SHTN1: variants seen among roughly 807,000 people sequenced by gnomAD.
SHTN1 encodes shootin-1.
In SHTN1, 42 loss-of-function variants were observed where a neutral mutation model predicts 83.1. That is an observed-to-expected ratio of 0.51 (90% CI 0.39 to 0.65). The LOEUF is 0.65. SHTN1 is among the 30% of genes least tolerant of loss of function. The probability of loss-of-function intolerance (pLI) is 0.00; values close to 1 mark genes in which losing one functional copy is unlikely to be tolerated. For missense variants in SHTN1, 622 were observed against 737.8 expected (o/e 0.84, Z 1.82); for synonymous variants, 224 against 247.7 (o/e 0.90, Z 0.90).
At chr10:117,119,031 A>G (rs183401334) in intron 1 of SHTN1, among the ~76,000 whole-genome samples, 1 of 152,238 alleles carries the variant, frequency 6.6e-6, no homozygotes, top group African/African-American at 2.4e-5. Flanking sequence ...CATTTGCAGC[A>G]CCATGGGTGG....
intron 1 of SHTN1, among the ~76,000 whole-genome samples, chr10:116,990,334 T>C (rs1394004876): frequency 6.9e-6 from 1 of 144,124 alleles, no homozygotes; most frequent in Non-Finnish European, 1.5e-5. Flanking sequence ...AGGAAAATCG[T>C]AAGAAGATTC....
At chr10:117,006,305 G>A (rs1261756359), upstream of SHTN1, among the ~76,000 whole-genome samples, 1 of 149,686 alleles carries the variant, frequency 6.7e-6, no homozygotes, top group South Asian at 2.1e-4. Context: ...AGTGGCTCAC[G>A]CCTGTAATCC....
intron 2 of SHTN1, among the ~76,000 whole-genome samples, chr10:117,018,229 G>C (rs1405680200): frequency 4.6e-5 from 7 of 152,174 alleles, no homozygotes; most frequent in African/African-American, 1.4e-4. Flanking sequence ...TATGTACCCA[G>C]TGGGCTGGGT....
At chr10:117,074,898 C>T (rs1447307117) in intron 1 of SHTN1, among the ~76,000 whole-genome samples, 1 of 151,952 alleles carries the variant, frequency 6.6e-6, no homozygotes, top group African/African-American at 2.4e-5. Flanking sequence ...AAAGCTAAGG[C>T]TCTATACTTG....
intron 1 of SHTN1, among the ~76,000 whole-genome samples, chr10:116,985,981 T>C (rs1851204106): frequency 6.6e-6 from 1 of 152,210 alleles, no homozygotes; most frequent in Non-Finnish European, 1.5e-5. Context: ...AGGTGACAGA[T>C]TTCATATCCT....
Position 116,990,264 on chromosome 10 carries a change from TTTTTTC to T in SHTN1, c.59-10962_59-10957del, listed in dbSNP as rs201154604. Among the ~76,000 whole-genome samples the T allele has an allele frequency of 4.3e-3, 641 of 148,808 alleles. 6 individuals are homozygous for T. Among genetic ancestry groups the T allele is most frequent in the African/African-American group, 0.013 (528 of 40,406 alleles). On this transcript the variant is annotated intron_variant, in intron 1 of 16. Transcript: ENST00000355371. The stretch of plus-strand genomic sequence containing the variant: ...AGAAAAGGCCTTTGTTTTTCTTGTC[TTTTTTC>T]TTTTTCTTTTTTCTTTCTTTTTTTT...
At chr10:116,914,402 G>A (rs1253479897) in intron 13 of SHTN1, among the ~76,000 whole-genome samples, 7 of 151,974 alleles carry the variant, frequency 4.6e-5, no homozygotes, top group African/African-American at 1.7e-4. Context: ...AACACGGGAG[G>A]CAGAGGTTGC....
At chr10:116,922,978 T>A (rs759211855) in intron 11 of SHTN1, among the ~76,000 whole-genome samples, 51 of 149,764 alleles carry the variant, frequency 3.4e-4, no homozygotes, top group South Asian at 8.5e-4. Flanking sequence ...AAAAAAAAAA[T>A]AAAAATAATA....
At chr10:116,909,941 C>T (rs1848124317) in intron 14 of SHTN1, among the ~76,000 whole-genome samples, 1 of 152,082 alleles carries the variant, frequency 6.6e-6, no homozygotes, top group South Asian at 2.1e-4. Context: ...GCAGGCTTTT[C>T]GTGTTCCATC....
chr10:116,949,965 A>G (rs1045247416), intron 6 of SHTN1, among the ~76,000 whole-genome samples: 7 of 152,222 alleles, frequency 4.6e-5, no homozygotes, highest in Admixed American at 3.3e-4. Flanking sequence ...TAATATTTAA[A>G]AACACTCAAA....
At chr10:116,907,765 A>T in intron 14 of SHTN1, 1 of 442,618 alleles carries the variant, frequency 2.3e-6, no homozygotes, top group South Asian at 1.6e-5. Context: ...ATCAGAGGAC[A>T]TAAGAACCTC....
At chr10:116,966,047 G>A (rs375196166) in intron 3 of SHTN1, among the ~76,000 whole-genome samples, 4 of 151,828 alleles carry the variant, frequency 2.6e-5, no homozygotes, top group Admixed American at 6.6e-5. Flanking sequence ...TCACCCTGTC[G>A]CCAGTCTGGA....
chr10:117,121,570 C>T (rs1053081470), intron 1 of SHTN1, among the ~76,000 whole-genome samples: 1 of 151,478 alleles, frequency 6.6e-6, no homozygotes, highest in African/African-American at 2.4e-5. Flanking sequence ...TAGAGTGAGA[C>T]TCTGACTCAA....
At chr10:117,077,114 A>T (rs1589921974) in intron 1 of SHTN1, among the ~76,000 whole-genome samples, 2 of 152,260 alleles carry the variant, frequency 1.3e-5, no homozygotes, top group East Asian at 3.8e-4. Flanking sequence ...AATCAAAAAT[A>T]GTAAAATGCT....
chr10:116,937,970 T>C (rs567381464), intron 9 of SHTN1, among the ~76,000 whole-genome samples: 5 of 151,794 alleles, frequency 3.3e-5, no homozygotes, highest in African/African-American at 4.8e-5. Context: ...TTGATACTTA[T>C]GTACGCTTTA....
At chr10:116,983,620 G>C (rs1286532665) in intron 1 of SHTN1, among the ~76,000 whole-genome samples, 1 of 151,752 alleles carries the variant, frequency 6.6e-6, no homozygotes, top group African/African-American at 2.4e-5. Flanking sequence ...TTCTGGGGTA[G>C]AGCCTGGGCA....
chr10:117,034,987 G>A (rs192481241), intron 2 of SHTN1, among the ~76,000 whole-genome samples: 1 of 152,246 alleles, frequency 6.6e-6, no homozygotes, highest in Admixed American at 6.5e-5. Context: ...ATCCTCAAAT[G>A]TATGTGGAAC....
intron 1 of SHTN1, among the ~76,000 whole-genome samples, chr10:117,097,013 GCACACACACACACATAGACACACA>G (rs963385603): frequency 8.5e-5 from 12 of 141,656 alleles, no homozygotes; most frequent in Admixed American, 5.3e-4. Flanking sequence ...GCACGCGCGC[GCACACACACACACATAGACACACA>G]CACACACACA....
At chr10:117,000,923 C>T (rs1185889865) in intron 1 of SHTN1, among the ~76,000 whole-genome samples, 1 of 152,214 alleles carries the variant, frequency 6.6e-6, no homozygotes, top group Non-Finnish European at 1.5e-5. Flanking sequence ...ATGCCTAGCA[C>T]AGTGCCTGGC....
Sources: allele counts gnomAD v4.1 joint callset (sites outside exome capture counted in the v4.1 genomes callset), GRCh38; gene constraint gnomAD v4.1.1; transcripts MANE v1.5; gene names NCBI Gene and HGNC (gene_info 2026-07-23, HGNC 2026-07-21).